Variants in PDE1C observed in about 807,000 individuals in gnomAD.
PDE1C encodes the protein dual specificity calcium/calmodulin-dependent 3',5'-cyclic nucleotide phosphodiesterase 1C.
PDE1C carries 62 observed loss-of-function variants against 93.1 expected under a neutral mutation model. That is an observed-to-expected ratio of 0.67 (90% CI 0.54 to 0.82). PDE1C has a LOEUF of 0.82. PDE1C is among the 40% of genes least tolerant of loss of function. The probability of loss-of-function intolerance (pLI) is 0.00; values close to 1 mark genes in which losing one functional copy is unlikely to be tolerated. For missense variants in PDE1C, 742 were observed against 884.6 expected (o/e 0.84, Z 2.04); for synonymous variants, 325 against 310.1 (o/e 1.05, Z -0.50).
chr7:32,094,053 CTG>C (rs1322241973), intron 3 of PDE1C, among the ~76,000 whole-genome samples: 2 of 152,264 alleles, frequency 1.3e-5, no homozygotes, highest in Non-Finnish European at 1.5e-5. Context: ...CTGCCTATCA[CTG>C]TCTTACTCTC....
chr7:31,667,702 T>A, the PDE1C span, among the ~76,000 whole-genome samples: 3,312 of 151,992 alleles, frequency 0.022, 124 homozygotes, highest in African/African-American at 0.075. Flanking sequence ...GACAATAGGA[T>A]CATGATGGTA....
intron 9 of PDE1C, among the ~76,000 whole-genome samples, chr7:31,847,480 T>A (rs1792785212): frequency 6.6e-6 from 1 of 152,056 alleles, no homozygotes; most frequent in African/African-American, 2.4e-5. Context: ...GAAAAACACA[T>A]GTTATTAAAT....
At chr7:32,234,814 AAG>A (rs1807955205) in intron 1 of PDE1C, among the ~76,000 whole-genome samples, 1 of 152,034 alleles carries the variant, frequency 6.6e-6, no homozygotes, top group African/African-American at 2.4e-5. Context: ...AGACAGCACA[AAG>A]AGAAAAACAA....
At chr7:31,966,342 A>G (rs1271107264) in intron 2 of PDE1C, among the ~76,000 whole-genome samples, 2 of 152,212 alleles carry the variant, frequency 1.3e-5, no homozygotes, top group Non-Finnish European at 2.9e-5. Context: ...TAAACCAACA[A>G]AGATCAAAAG....
intron 2 of PDE1C, among the ~76,000 whole-genome samples, chr7:31,905,789 G>GT (rs1258362156): frequency 1.3e-5 from 2 of 152,156 alleles, no homozygotes; most frequent in African/African-American, 4.8e-5. Context: ...TAATCCCCAT[G>GT]TGTTAAGGGA....
intron 2 of PDE1C, among the ~76,000 whole-genome samples, chr7:31,983,136 T>C (rs1288640565): frequency 6.6e-6 from 1 of 152,234 alleles, no homozygotes; most frequent in East Asian, 1.9e-4. Flanking sequence ...CTTGTCATAC[T>C]CTCTTGAAGT....
chr7:32,385,944 C>T (rs1022482056), intron 1 of PDE1C, among the ~76,000 whole-genome samples: 1 of 152,108 alleles, frequency 6.6e-6, no homozygotes, highest in Non-Finnish European at 1.5e-5. Context: ...CCTTGAAACC[C>T]CAAGAACAGG....
chr7:31,658,240 TTTTG>T, the PDE1C span: 1 of 1,476,492 alleles, frequency 6.8e-7, no homozygotes, highest in East Asian at 2.5e-5. Context: ...TTGCATTAGG[TTTTG>T]TTTATTTAAC....
At chr7:32,423,146 G>A (rs1785465560) in intron 1 of PDE1C, among the ~76,000 whole-genome samples, 1 of 152,140 alleles carries the variant, frequency 6.6e-6, no homozygotes, top group South Asian at 2.1e-4. Context: ...CGGCTGATAT[G>A]GGAAGATTTC....
At chr7:32,114,639 G>C (rs1331349898) in intron 3 of PDE1C, among the ~76,000 whole-genome samples, 1 of 152,172 alleles carries the variant, frequency 6.6e-6, no homozygotes, top group Non-Finnish European at 1.5e-5. Flanking sequence ...GAACTAAAGA[G>C]CTCCTGCACA....
intron 14 of PDE1C, among the ~76,000 whole-genome samples, chr7:31,818,080 C>T (rs1198801811): frequency 2.0e-5 from 3 of 152,144 alleles, no homozygotes; most frequent in Admixed American, 2.0e-4. Context: ...GTGATTTAAA[C>T]ATACAGAGTT....
At chr7:32,257,486 T>C (rs1809890548) in intron 1 of PDE1C, among the ~76,000 whole-genome samples, 1 of 152,210 alleles carries the variant, frequency 6.6e-6, no homozygotes, top group African/African-American at 2.4e-5. Flanking sequence ...CAGTATCCTC[T>C]ATAAAAATGG....
At chr7:32,340,806 G>C (rs867833688) in intron 1 of PDE1C, among the ~76,000 whole-genome samples, 17 of 152,178 alleles carry the variant, frequency 1.1e-4, no homozygotes, top group South Asian at 6.2e-4. Context: ...AATGGAGATA[G>C]TAAAAAGATG....
At chr7:31,649,971 G>A in the PDE1C span, among the ~76,000 whole-genome samples, 103 of 152,254 alleles carry the variant, frequency 6.8e-4, no homozygotes, top group African/African-American at 2.2e-3. Flanking sequence ...AAGAGTAGGG[G>A]CTCAGTAGAG....
chr7:32,176,123 A>G (rs1250094821), intron 2 of PDE1C, among the ~76,000 whole-genome samples: 2 of 152,234 alleles, frequency 1.3e-5, no homozygotes, highest in South Asian at 2.1e-4. Flanking sequence ...TAACAGTACC[A>G]AAGTCCTCAT....
At chr7:31,736,654 C>T in the PDE1C span, among the ~76,000 whole-genome samples, 5 of 152,142 alleles carry the variant, frequency 3.3e-5, no homozygotes, top group Admixed American at 2.0e-4. Flanking sequence ...TTGGAATCTG[C>T]GTGTTCAATG....
At chr7:31,680,687 GC>G in the PDE1C span, among the ~76,000 whole-genome samples, 1 of 146,150 alleles carries the variant, frequency 6.8e-6, no homozygotes, top group Non-Finnish European at 1.5e-5. Context: ...TGTGACTATG[GC>G]CCCTTTGGTC....
rs775048635 is a variant in PDE1C at position 31,896,201 on chromosome 7, G to C, written c.129-15341C>G. Among the ~76,000 whole-genome samples, 60 of 152,118 alleles carry C rather than the reference G, an allele frequency of 3.9e-4. 1 individual carries two copies. The highest frequency in any genetic ancestry group is 7.4e-5 in the Non-Finnish European group (5 of 68,018). On this transcript the variant is annotated intron_variant, in intron 2 of 17. Transcript: ENST00000396191. ...GCAGGCAGGGCATAGTGGAAGCAGA[G>C]ATGGGCACAACTGTTGTAGTTTGGA...
At chr7:31,831,911 C>T (rs1446135458) in intron 11 of PDE1C, among the ~76,000 whole-genome samples, 1 of 152,080 alleles carries the variant, frequency 6.6e-6, no homozygotes, top group Non-Finnish European at 1.5e-5. Context: ...GAATACTCAT[C>T]AGATAAATGG....
Sources: allele counts gnomAD v4.1 joint callset (sites outside exome capture counted in the v4.1 genomes callset), GRCh38; gene constraint gnomAD v4.1.1; transcripts MANE v1.5; gene names NCBI Gene and HGNC (gene_info 2026-07-23, HGNC 2026-07-21).